Variants in UQCRFS1 observed in about 807,000 individuals in gnomAD.
UQCRFS1 encodes ubiquinol-cytochrome c reductase, Rieske iron-sulfur polypeptide 1.
A neutral mutation model predicts 15.6 loss-of-function variants in UQCRFS1; 6 were observed. The observed-to-expected ratio is 0.38, with a 90% CI of 0.21 to 0.76. The LOEUF (loss-of-function observed/expected upper bound fraction) is 0.76. UQCRFS1 is among the 30% of genes least tolerant of loss of function. The probability of loss-of-function intolerance (pLI) is 0.44; values close to 1 mark genes in which losing one functional copy is unlikely to be tolerated. For missense variants in UQCRFS1, 203 were observed against 366.7 expected (o/e 0.55, Z 3.65); for synonymous variants, 105 against 154.3 (o/e 0.68, Z 2.37).
chr19:29,206,013 G>GT lies in UQCRFS1; in HGVS notation c.*1534dup. On this transcript the variant is annotated 3_prime_UTR_variant, in exon 2 of 2. Coordinates refer to ENST00000304863, the MANE Select transcript of UQCRFS1 (RefSeq NM_006003.3). ...CACTTCAGGGTGGGAGGTGATATAG[G>GT]TTATCAGTATTTCTCTATAGGGAGG... is the stretch of plus-strand genomic sequence containing the variant. 6.6e-6 allele frequency: 1 copy of GT among 152,228 alleles called. No individual in the cohort carries two copies. Among genetic ancestry groups the GT allele is most frequent in the South Asian group, 2.1e-4 (1 of 4,818 alleles). The allele number at this position is 152,228 out of a possible 1,614,324, so 9.4% of individuals were successfully genotyped here. A position where few individuals can be genotyped will look rare whatever the true frequency, so the allele number is the denominator to read the frequency against.
chr19:29,212,224 C>T (rs1437385033), intron 1 of UQCRFS1, among the ~76,000 whole-genome samples: 3 of 152,040 alleles, frequency 2.0e-5, no homozygotes, highest in Non-Finnish European at 4.4e-5. Context: ...CTTGTCAAAT[C>T]CCTGCTACCA....
intron 1 of UQCRFS1, among the ~76,000 whole-genome samples, chr19:29,208,628 T>C (rs1390278242): frequency 2.6e-5 from 4 of 152,208 alleles, no homozygotes; most frequent in Non-Finnish European, 5.9e-5. Flanking sequence ...TGACGTGTGA[T>C]CACCTTATTA....
chr19:29,211,349 G>GA (rs1976645010), intron 1 of UQCRFS1, among the ~76,000 whole-genome samples: 1 of 152,160 alleles, frequency 6.6e-6, no homozygotes, highest in Admixed American at 6.5e-5. Context: ...GCAACACGAC[G>GA]AATTCCAAAG....
intron 1 of UQCRFS1, 50 bp downstream of exon 1, chr19:29,212,855 C>T: frequency 1.5e-6 from 2 of 1,367,624 alleles, no homozygotes; most frequent in Admixed American, 3.9e-5. Flanking sequence ...GCCGGAGGAG[C>T]GGGCACCGAG....
Position 29,213,132 on chromosome 19 carries a change from C to A in UQCRFS1, c.-14G>T. On this transcript the variant is annotated 5_prime_UTR_variant, in exon 1 of 2. Transcript: ENST00000304863. The stretch of plus-strand genomic sequence containing the variant: ...TACCGACAACATGGCGACAGCCGCT[C>A]CAACCGCCAAGCCGGTCACAGGGAC... The A allele has an allele frequency of 6.6e-7, 1 of 1,520,762 alleles. No homozygotes were observed. The highest frequency in any genetic ancestry group is 8.8e-7 in the Non-Finnish European group (1 of 1,140,420). The allele number at this position is 1,520,762 out of a possible 1,614,324, so 94.2% of individuals were successfully genotyped here.
Position 29,207,732 on chromosome 19 carries a change from A to C in UQCRFS1, c.641T>G (p.Ile214Arg), listed in dbSNP as rs769831050. ...ACAGCCAAGATGAGTGCAAACACCT[A>C]TCAGGATAACCCATTCAGGTTTCTT... Reference protein sequence around the residue: ...RVKKPEWVILIGVCTHLGCVP... With the variant: ...RVKKPEWVILRGVCTHLGCVP... Residue 214 changes from isoleucine (I) to arginine (R), a missense_variant, in exon 2 of 2, where the codon ATA (isoleucine) becomes AGA (arginine). Physicochemically the swap from Ile to Arg is moderately conservative, Grantham distance 97. This residue lies in a region of UQCRFS1 where 91 missense variants were observed against 186.9 expected (regional missense o/e 0.49). Coordinates refer to ENST00000304863, the MANE Select transcript of UQCRFS1 (RefSeq NM_006003.3). The C allele has an allele frequency of 1.2e-6, 2 of 1,614,000 alleles. No individual in the cohort carries two copies. Among genetic ancestry groups the C allele is most frequent in the South Asian group, 2.2e-5 (2 of 91,074 alleles).
chr19:29,209,404 C>A (rs1029435920), intron 1 of UQCRFS1, among the ~76,000 whole-genome samples: 2 of 152,176 alleles, frequency 1.3e-5, no homozygotes, highest in Admixed American at 6.5e-5. Context: ...ATATACTGTA[C>A]TTCCTTGAGT....
rs1467940726 is a variant in UQCRFS1, at chr19:29,213,063, G to T, written c.56C>A (p.Ser19Tyr). 5 of 1,466,986 alleles carry T rather than the reference G, an allele frequency of 3.4e-6. No individual in the cohort carries two copies. The highest frequency in any genetic ancestry group is 3.6e-6 in the Non-Finnish European group (4 of 1,121,200). 90.9% of individuals were successfully genotyped at this position (1,466,986 alleles called of 1,614,324 possible). A position where few individuals can be genotyped will look rare whatever the true frequency, so the allele number is the denominator to read the frequency against. ...GPFAPVLSATSRGVAGALRPL... is the reference protein window; with the variant it reads ...GPFAPVLSATYRGVAGALRPL... ...CCGCAGCGCGCCCGCCACCCCGCGGGACGTGGCCGACAGGACGGGCGCGAA... is the reference window on the plus strand; with the variant it reads ...CCGCAGCGCGCCCGCCACCCCGCGGTACGTGGCCGACAGGACGGGCGCGAA... The change falls in exon 1 of 2, where the codon TCC (serine) becomes TAC (tyrosine). Residue 19 changes from serine (S) to tyrosine (Y), a missense_variant. Ser to Tyr is a moderately radical substitution (Grantham distance 144). This residue lies in a region of UQCRFS1 where 20 missense variants were observed against 59.3 expected (regional missense o/e 0.34). Transcript: ENST00000304863.
Position 29,207,974 on chromosome 19 carries a change from G to T in UQCRFS1, c.399C>A (p.Val133=), listed in dbSNP as rs138567046. The T allele has an allele frequency of 2.3e-5, 37 of 1,614,046 alleles. 1 individual carries two copies. In the African/African-American group the frequency reaches 4.8e-4, roughly 21 times the overall value. Residue 133 remains valine, a synonymous_variant, in exon 2 of 2, where the codon GTC becomes GTA. Transcript: ENST00000304863. ...CACTCATGCTGGAAACGAACTGGGT[G>T]ACGGCATTCTTGGCAGCATATGCGA... is the stretch of plus-strand genomic sequence containing the variant. The part of the protein sequence containing the change: ...VGVAYAAKNA[V]TQFVSSMSAS...
At chr19:29,210,865 G>T (rs987713030) in intron 1 of UQCRFS1, among the ~76,000 whole-genome samples, 13 of 151,872 alleles carry the variant, frequency 8.6e-5, no homozygotes, top group African/African-American at 3.1e-4. Context: ...AGTCTTTTGG[G>T]TATATACCCA....
chr19:29,206,271 T>G lies in UQCRFS1; in HGVS notation c.*1277A>C, dbSNP rs1407361201. ...GGTAAAAATGAAGCAAAGACTAGTA[T>G]CTACTCATAAGCATAGAAAGTTTGA... On this transcript the variant is annotated 3_prime_UTR_variant, in exon 2 of 2. Coordinates refer to ENST00000304863, the MANE Select transcript of UQCRFS1 (RefSeq NM_006003.3). 6.6e-6 allele frequency: 1 copy of G among 152,258 alleles called. No homozygotes were observed. Among genetic ancestry groups the G allele is most frequent in the African/African-American group, 2.4e-5 (1 of 41,470 alleles). 9.4% of individuals were successfully genotyped at this position (152,258 alleles called of 1,614,324 possible). A position where few individuals can be genotyped will look rare whatever the true frequency, so the allele number is the denominator to read the frequency against.
At chr19:29,209,285 C>T (rs1432263097) in intron 1 of UQCRFS1, among the ~76,000 whole-genome samples, 1 of 152,112 alleles carries the variant, frequency 6.6e-6, no homozygotes, top group Non-Finnish European at 1.5e-5. Context: ...AAAGGGGACA[C>T]TAAAAATTCC....
intron 1 of UQCRFS1, among the ~76,000 whole-genome samples, chr19:29,211,985 T>G (rs1276951645): frequency 6.6e-6 from 1 of 152,168 alleles, no homozygotes; most frequent in Non-Finnish European, 1.5e-5. Context: ...AAGTAGAAAC[T>G]AGATCCCAGT....
At chr19:29,209,007 G>A (rs1228780742) in intron 1 of UQCRFS1, among the ~76,000 whole-genome samples, 1 of 152,078 alleles carries the variant, frequency 6.6e-6, no homozygotes, top group Non-Finnish European at 1.5e-5. Flanking sequence ...TCTCTCAACT[G>A]GGGCACTTCT....
chr19:29,205,418 A>T lies in UQCRFS1; in HGVS notation c.*2130T>A, dbSNP rs1780000289. On this transcript the variant is annotated 3_prime_UTR_variant, in exon 2 of 2. Transcript: ENST00000304863. ...TAGAAAAATGAGGGTACTAAAGCAC[A>T]TTTTGATCCAGTCAGGACAAATGCC... is the stretch of plus-strand genomic sequence containing the variant. 6.6e-6 allele frequency: 1 copy of T among 152,244 alleles called. No individual in the cohort carries two copies. Among genetic ancestry groups the T allele is most frequent in the African/African-American group, 2.4e-5 (1 of 41,466 alleles). 9.4% of individuals were successfully genotyped at this position (152,244 alleles called of 1,614,324 possible). A position where few individuals can be genotyped will look rare whatever the true frequency, so the allele number is the denominator to read the frequency against.
rs559123534 is a variant in UQCRFS1 at position 29,207,087 on chromosome 19, C to T, written c.*461G>A. On this transcript the variant is annotated 3_prime_UTR_variant, in exon 2 of 2. Transcript: ENST00000304863. ...AGGAAATGCATAGCCAGGACTCTTACCAAGTCCGGTAAATAAGGAATACCT... is the reference window on the plus strand; with the variant it reads ...AGGAAATGCATAGCCAGGACTCTTATCAAGTCCGGTAAATAAGGAATACCT... 6.2e-4 allele frequency: 99 copies of T among 159,188 alleles called. 3 individuals carry two copies. The South Asian group carries it at 0.017, about 28-fold the overall frequency. The allele number at this position is 159,188 out of a possible 1,614,324, so 9.9% of individuals were successfully genotyped here.
At chr19:29,212,789 C>A in intron 1 of UQCRFS1, 116 bp downstream of exon 1, 1 of 1,154,810 alleles carries the variant, frequency 8.7e-7, no homozygotes, top group African/African-American at 1.6e-5. Context: ...CGGAGGCCGC[C>A]CAGCCCGACC....
Position 29,207,342 on chromosome 19 carries a change from A to C in UQCRFS1, c.*206T>G, listed in dbSNP as rs1158672240. ...GTACCTTTCGCGTGTATGACTGAGC[A>C]TAACAGTGCTTAACAGTGTCTTTAT... On this transcript the variant is annotated 3_prime_UTR_variant, in exon 2 of 2. Transcript: ENST00000304863. The C allele has an allele frequency of 3.1e-6, 2 of 652,568 alleles. No homozygotes were observed. The highest frequency in any genetic ancestry group is 5.0e-6 in the Non-Finnish European group (2 of 400,178). 40.4% of individuals were successfully genotyped at this position (652,568 alleles called of 1,614,324 possible).
At chr19:29,208,211 G>C (rs1319025721) in intron 1 of UQCRFS1, 53 bp from the exon 2 acceptor site, 2 of 1,532,508 alleles carry the variant, frequency 1.3e-6, no homozygotes, top group African/African-American at 1.4e-5. Context: ...ATCCCGAAGG[G>C]AGTATATATC....
Sources: gnomAD v4.1 joint callset for allele counts (sites outside exome capture counted in the v4.1 genomes callset) on GRCh38, gnomAD v4.1.1 for gene constraint, gnomAD v4.1.1 regional missense constraint, MANE v1.5 for transcripts, NCBI Gene and HGNC (gene_info 2026-07-23, HGNC 2026-07-21) for gene names.